PROK2: variants seen among roughly 807,000 people sequenced by gnomAD.
PROK2 encodes prokineticin-2.
PROK2 carries 8 observed loss-of-function variants against 14.2 expected under a neutral mutation model. That is an observed-to-expected ratio of 0.56 (90% CI 0.33 to 1.02). PROK2 has a LOEUF of 1.02. PROK2 is among the 50% of genes least tolerant of loss of function. The pLI, the probability that PROK2 is intolerant of heterozygous loss-of-function variation, is 0.03. For synonymous variants in PROK2, 59 were observed against 60.7 expected, an observed-to-expected ratio of 0.97 and a Z score of 0.13; for missense variants, 154 against 160.4, an observed-to-expected ratio of 0.96 and a Z score of 0.22.
intron 1 of PROK2, 50 bp downstream of exon 1, chr3:71,784,907 C>A (rs1278366978): frequency 1.7e-6 from 2 of 1,211,632 alleles, no homozygotes; most frequent in East Asian, 3.2e-5. Context: ...GCCCCCTGGG[C>A]ACATCCCAGG....
chr3:71,771,706 GT>G lies in PROK2; in HGVS notation c.*1017del, dbSNP rs2050080873. ...AATAAATCAAATGATATACAGTACT[GT>G]TATTATTCTGATACAGAATTTTTAC... On this transcript the variant is annotated 3_prime_UTR_variant, in exon 4 of 4. Transcript: ENST00000295619. 1 of 152,576 alleles carries G rather than the reference GT, an allele frequency of 6.6e-6. No homozygotes were observed. Among genetic ancestry groups the G allele is most frequent in the Non-Finnish European group, 1.5e-5 (1 of 68,024 alleles). 9.5% of individuals were successfully genotyped at this position (152,576 alleles called of 1,614,324 possible). A position where few individuals can be genotyped will look rare whatever the true frequency, so the allele number is the denominator to read the frequency against.
chr3:71,784,014 T>C (rs1578414267), intron 1 of PROK2, among the ~76,000 whole-genome samples: 2 of 152,362 alleles, frequency 1.3e-5, no homozygotes, highest in South Asian at 4.1e-4. Context: ...CATAGACGTT[T>C]TATTTAAATC....
chr3:71,781,473 A>T lies in PROK2; in HGVS notation c.216T>A (p.Thr72=). 1 of 1,614,118 alleles carries T rather than the reference A, an allele frequency of 6.2e-7. No homozygotes were observed. Among genetic ancestry groups the T allele is most frequent in the Non-Finnish European group, 8.5e-7 (1 of 1,179,964 alleles). Residue 72 remains threonine (T), a synonymous_variant, in exon 2 of 4, where the codon ACT becomes ACA. Transcript: ENST00000295619. ...CAAATATATATATACTAACTTTACG[A>T]GTCAGTGGATGGCAGCTGTCTCCCA... ...GKLGDSCHPL[T]RKNNFGNGRQ...
rs532285487 is a variant in PROK2 at position 71,785,098 on chromosome 3, G to A, written c.-46C>T. 46 of 1,171,404 alleles carry A rather than the reference G, an allele frequency of 3.9e-5. No homozygotes were observed. In the Admixed American group the frequency reaches 6.1e-4, roughly 15 times the overall value. 72.6% of individuals were successfully genotyped at this position (1,171,404 alleles called of 1,614,324 possible). On this transcript the variant is annotated 5_prime_UTR_variant, in exon 1 of 4. Coordinates refer to ENST00000295619, the MANE Select transcript of PROK2 (RefSeq NM_001126128.2). ...GCCGCCGGAGGCAGTTGGGGGCGCG[G>A]GGCCCGGGTGCGCTGGGTGGAGCGC...
In PROK2 at chr3:71,772,498, G is replaced by C; in HGVS notation, c.*226C>G. 2.1e-6 allele frequency: 1 copy of C among 476,950 alleles called. No homozygotes were observed. The highest frequency in any genetic ancestry group is 3.7e-6 in the Non-Finnish European group (1 of 270,630). 29.5% of individuals were successfully genotyped at this position (476,950 alleles called of 1,614,324 possible). A position where few individuals can be genotyped will look rare whatever the true frequency, so the allele number is the denominator to read the frequency against. The stretch of plus-strand genomic sequence containing the variant: ...AACCAAAACACAAACAGGGAAATAA[G>C]AACCAGTTCCATAATGCCTTACACT... On this transcript the variant is annotated 3_prime_UTR_variant, in exon 4 of 4. Transcript: ENST00000295619.
chr3:71,783,961 C>T (rs891281896), intron 1 of PROK2, among the ~76,000 whole-genome samples: 2 of 152,096 alleles, frequency 1.3e-5, no homozygotes, highest in African/African-American at 4.8e-5. Context: ...AAAGATACTT[C>T]CTTTAAAGTC....
rs6782813 is a variant in PROK2 at position 71,772,339 on chromosome 3, T to C, written c.*385A>G. 0.86 allele frequency: 171,740 copies of C among 199,546 alleles called. 76,540 individuals carry two copies. The highest frequency in any genetic ancestry group is 1 in the East Asian group (6,736 of 6,768). The allele number at this position is 199,546 out of a possible 1,614,324, so 12.4% of individuals were successfully genotyped here. A position where few individuals can be genotyped will look rare whatever the true frequency, so the allele number is the denominator to read the frequency against. ...ACCAAAAGCTGTAGGTGTATTTGTG[T>C]GGCAGGGCACAAATGGGGCTTGGGG... On this transcript the variant is annotated 3_prime_UTR_variant, in exon 4 of 4. Coordinates refer to ENST00000295619, the MANE Select transcript of PROK2 (RefSeq NM_001126128.2).
intron 2 of PROK2, among the ~76,000 whole-genome samples, chr3:71,779,921 A>C (rs75640817): frequency 9.6e-4 from 146 of 152,326 alleles, no homozygotes; most frequent in African/African-American, 3.4e-3. Context: ...AAACAACGTA[A>C]TTCTTAAAGG....
chr3:71,777,072 A>G (rs1392588295), intron 2 of PROK2, among the ~76,000 whole-genome samples: 3 of 152,238 alleles, frequency 2.0e-5, no homozygotes, highest in Non-Finnish European at 2.9e-5. Context: ...TCTTAACTGT[A>G]TCAACGTCAA....
intron 1 of PROK2, among the ~76,000 whole-genome samples, chr3:71,782,910 T>C (rs2050170928): frequency 6.6e-6 from 1 of 152,204 alleles, no homozygotes; most frequent in Admixed American, 6.5e-5. Context: ...TGTTTGGATT[T>C]TATAGGACAA....
chr3:71,780,047 G>A (rs888491769), intron 2 of PROK2, among the ~76,000 whole-genome samples: 2 of 152,214 alleles, frequency 1.3e-5, no homozygotes, highest in African/African-American at 4.8e-5. Context: ...CTGGGCCAGC[G>A]GCCCCTCTTC....
At chr3:71,780,753 T>C (rs1382117400) in intron 2 of PROK2, among the ~76,000 whole-genome samples, 2 of 152,104 alleles carry the variant, frequency 1.3e-5, no homozygotes, top group Admixed American at 1.3e-4. Flanking sequence ...ACCCGCTTCC[T>C]CATGTAATAT....
intron 1 of PROK2, among the ~76,000 whole-genome samples, chr3:71,784,317 A>C (rs2050193232): frequency 6.6e-6 from 1 of 152,216 alleles, no homozygotes; most frequent in Non-Finnish European, 1.5e-5. Flanking sequence ...GGAGCACTGG[A>C]GGTGCTTTGC....
intron 1 of PROK2, among the ~76,000 whole-genome samples, chr3:71,783,370 T>C (rs1017916893): frequency 6.6e-6 from 1 of 152,170 alleles, no homozygotes; most frequent in African/African-American, 2.4e-5. Flanking sequence ...ATTCTCTTTT[T>C]GTAACACTGA....
intron 2 of PROK2, among the ~76,000 whole-genome samples, chr3:71,776,160 C>A (rs2050116260): frequency 6.6e-6 from 1 of 152,098 alleles, no homozygotes; most frequent in Admixed American, 6.6e-5. Context: ...ATCAAGGACA[C>A]CAAGACTGTA....
chr3:71,780,610 C>T (rs539851948), intron 2 of PROK2, among the ~76,000 whole-genome samples: 4 of 152,304 alleles, frequency 2.6e-5, no homozygotes, highest in African/African-American at 7.2e-5. Context: ...GGGAAAAATG[C>T]GGAGGTGGGA....
At chr3:71,779,206 A>G (rs1435615028) in intron 2 of PROK2, among the ~76,000 whole-genome samples, 3 of 152,226 alleles carry the variant, frequency 2.0e-5, no homozygotes, top group South Asian at 2.1e-4. Flanking sequence ...CTGTTATCCA[A>G]ACAAACCAGT....
rs1392994687 is a variant in PROK2, at chr3:71,771,819, G to A, written c.*905C>T. 2 of 152,448 alleles carry A rather than the reference G, an allele frequency of 1.3e-5. No individual in the cohort carries two copies. The highest frequency in any genetic ancestry group is 6.6e-5 in the Admixed American group (1 of 15,266). 9.4% of individuals were successfully genotyped at this position (152,448 alleles called of 1,614,324 possible). ...AAGGTTTAAATTACAACTTAATACTGCTTTAAAAATGGTAATTAGTGTTGT... is the reference window on the plus strand; with the variant it reads ...AAGGTTTAAATTACAACTTAATACTACTTTAAAAATGGTAATTAGTGTTGT... On this transcript the variant is annotated 3_prime_UTR_variant, in exon 4 of 4. Coordinates refer to ENST00000295619, the MANE Select transcript of PROK2 (RefSeq NM_001126128.2).
At chr3:71,783,718 A>G (rs2050188191) in intron 1 of PROK2, among the ~76,000 whole-genome samples, 1 of 152,180 alleles carries the variant, frequency 6.6e-6, no homozygotes, top group African/African-American at 2.4e-5. Context: ...AAATCCAATC[A>G]TGTTTCAATT....
Sources: allele counts gnomAD v4.1 joint callset (sites outside exome capture counted in the v4.1 genomes callset), GRCh38; gene constraint gnomAD v4.1.1; transcripts MANE v1.5; gene names NCBI Gene and HGNC (gene_info 2026-07-23, HGNC 2026-07-21).